Variants in LPIN1 observed in about 807,000 individuals in gnomAD.
LPIN1 encodes the protein phosphatidate phosphatase LPIN1.
In LPIN1, 71 loss-of-function variants were observed where a neutral mutation model predicts 107.5. That is an observed-to-expected ratio of 0.66 (90% CI 0.55 to 0.80). LPIN1 has a LOEUF of 0.80. LPIN1 is among the 30% of genes least tolerant of loss of function. The pLI is 0.00. For synonymous variants in LPIN1, 445 were observed against 452.6 expected (o/e 0.98, Z 0.21); for missense variants, 1,043 against 1,160.6 (o/e 0.90, Z 1.47).
chr2:11,706,668 G>A (rs1399667003), intron 1 of LPIN1, among the ~76,000 whole-genome samples: 4 of 152,150 alleles, frequency 2.6e-5, no homozygotes, highest in African/African-American at 9.7e-5. Flanking sequence ...TATAACAAGG[G>A]CTTAGATCCA....
intron 17 of LPIN1, among the ~76,000 whole-genome samples, chr2:11,806,579 AT>A (rs1678725936): frequency 1.3e-5 from 2 of 152,310 alleles, no homozygotes; most frequent in African/African-American, 4.8e-5. Flanking sequence ...CTCTAAAAAA[AT>A]AAGTATGTAC....
At chr2:11,688,169 A>G (rs1662100269) in intron 1 of LPIN1, among the ~76,000 whole-genome samples, 1 of 152,196 alleles carries the variant, frequency 6.6e-6, no homozygotes, top group South Asian at 2.1e-4. Flanking sequence ...CCCTGTCTAT[A>G]AATGGAATAA....
intron 17 of LPIN1, chr2:11,805,427 G>C (rs906745893): frequency 1.8e-6 from 1 of 560,554 alleles, no homozygotes; most frequent in Non-Finnish European, 3.2e-6. Context: ...CAGCATTAGG[G>C]GTGAGACTGA....
At chr2:11,700,454 C>T (rs780637461) in intron 1 of LPIN1, among the ~76,000 whole-genome samples, 41 of 151,314 alleles carry the variant, frequency 2.7e-4, no homozygotes, top group South Asian at 1.3e-3. Flanking sequence ...TTCTCATTTT[C>T]TCTCTCTCTC....
chr2:11,763,316 G>T (rs1279888342), intron 1 of LPIN1: 1 of 153,000 alleles, frequency 6.5e-6, no homozygotes, highest in African/African-American at 2.4e-5. Context: ...CACGACCGCC[G>T]GTTAGCACAG....
chr2:11,711,788 T>C (rs1481148379), intron 1 of LPIN1, among the ~76,000 whole-genome samples: 1 of 152,182 alleles, frequency 6.6e-6, no homozygotes, highest in East Asian at 1.9e-4. Flanking sequence ...CTTCTCTGCC[T>C]CGAATCCATC....
upstream of LPIN1, among the ~76,000 whole-genome samples, chr2:11,720,514 C>T (rs1001887117): frequency 5.9e-5 from 9 of 152,108 alleles, no homozygotes; most frequent in Middle Eastern, 3.4e-3. Flanking sequence ...ACTGACATAG[C>T]GGGGGAGGTT....
chr2:11,791,998 A>G lies in LPIN1; in HGVS notation c.1798A>G (p.Ile600Val). 1 of 1,613,684 alleles carries G rather than the reference A, an allele frequency of 6.2e-7. No homozygotes were observed. The highest frequency in any genetic ancestry group is 1.1e-5 in the South Asian group (1 of 91,030). ...WFSWRGRNTT[I>V]KEESKPEQCL... ...TTCATGGAGGGGAAGAAACACCACA[A>G]TCAAGGAGGTAAGCCCAGAAGACAA... Residue 600 changes from isoleucine (I) to valine (V), a missense_variant, in exon 13 of 21, where the codon ATC becomes GTC. Physicochemically the swap from Ile to Val is conservative, Grantham distance 29. Coordinates refer to ENST00000674199, the MANE Select transcript of LPIN1 (RefSeq NM_001349206.2).
chr2:11,709,755 G>T lies in LPIN1; in HGVS notation c.82-4001G>T, dbSNP rs77779203. 2.2e-3 allele frequency among the ~76,000 whole-genome samples: 338 copies of T among 152,300 alleles called. 3 individuals carry two copies. The East Asian group carries it at 0.032, about 15-fold the overall frequency. ...TAAACTGGGAGCAGCCCACGACTTT[G>T]AGCCTGATAATCTGGAAACATTACT... On this transcript the variant is annotated intron_variant, in intron 1 of 21. Transcript: ENST00000449576.
Position 11,787,067 on chromosome 2 carries a change from G to A in LPIN1, c.1550-7G>A, listed in dbSNP as rs748510400. On this transcript the variant is annotated splice_region_variant and splice_polypyrimidine_tract_variant and intron_variant, in intron 10 of 20. Transcript: ENST00000674199. ...TTTTCCCTGATCCTCTGCAATTGCT[G>A]TCACAGATGCATTCCTGGAGCAAGC... 3.1e-6 allele frequency: 5 copies of A among 1,603,926 alleles called. No individual in the cohort carries two copies. Among genetic ancestry groups the A allele is most frequent in the Non-Finnish European group, 4.3e-6 (5 of 1,170,756 alleles).
intron 1 of LPIN1, among the ~76,000 whole-genome samples, chr2:11,695,652 T>G (rs913391894): frequency 6.6e-6 from 1 of 152,252 alleles, no homozygotes; most frequent in African/African-American, 2.4e-5. Context: ...CCCTTTTGAC[T>G]GATTGCTGTG....
At chr2:11,773,829 GA>G in intron 5 of LPIN1, 84 bp downstream of exon 5, 3 of 1,500,230 alleles carry the variant, frequency 2.0e-6, no homozygotes, top group Middle Eastern at 1.9e-4. Flanking sequence ...GAATGAAATA[GA>G]AATGAAAAGT....
rs139588504 is a variant in LPIN1 at position 11,814,928 on chromosome 2, T to G, written c.2250-160T>G. ...TACAGTGAAATGTATTTAAGCCTAT[T>G]TCTCAATTGCAAGCAAGATTTTGTA... On this transcript the variant is annotated intron_variant, in intron 17 of 20. Coordinates refer to ENST00000674199, the MANE Select transcript of LPIN1 (RefSeq NM_001349206.2). Among the ~76,000 whole-genome samples the G allele has an allele frequency of 2.6e-5, 4 of 152,342 alleles. No homozygotes were observed. The East Asian group carries it at 7.7e-4, about 29-fold the overall frequency.
At chr2:11,792,597 G>T (rs1675962487) in intron 13 of LPIN1, among the ~76,000 whole-genome samples, 1 of 152,110 alleles carries the variant, frequency 6.6e-6, no homozygotes, top group Non-Finnish European at 1.5e-5. Flanking sequence ...TGCCCAGGCT[G>T]GTCTCAAACT....
At chr2:11,756,736 T>C (rs1210374195) in intron 1 of LPIN1, among the ~76,000 whole-genome samples, 2 of 152,212 alleles carry the variant, frequency 1.3e-5, no homozygotes, top group African/African-American at 2.4e-5. Context: ...TTGAGTATGC[T>C]ATTTATTATT....
intron 9 of LPIN1, 152 bp from the exon 10 acceptor site, chr2:11,784,734 C>T (rs1674197341): frequency 1.3e-6 from 1 of 771,432 alleles, no homozygotes; most frequent in Non-Finnish European, 2.3e-6. Context: ...ATGTCTCTTT[C>T]CTTGTCGTGG....
intron 17 of LPIN1, 53 bp downstream of exon 17, chr2:11,805,209 G>A (rs780528404): frequency 4.7e-5 from 62 of 1,312,516 alleles, no homozygotes; most frequent in Non-Finnish European, 6.2e-5. Flanking sequence ...TGTGTGCACC[G>A]CACTCTGCAT....
intron 7 of LPIN1, among the ~76,000 whole-genome samples, chr2:11,780,302 C>A (rs1209999758): frequency 6.6e-6 from 1 of 152,188 alleles, no homozygotes; most frequent in African/African-American, 2.4e-5. Context: ...TCTGCTAGGT[C>A]ATTGATGAGT....
Position 11,798,133 on chromosome 2 carries a change from A to C in LPIN1, c.1886+2646A>C, listed in dbSNP as rs1456631768. The stretch of plus-strand genomic sequence containing the variant: ...AGGCACCTGCTTTTCCTTTGCCTTC[A>C]GCCATGATTGTAAGTTTCCTGAGGC... On this transcript the variant is annotated intron_variant, in intron 14 of 20. Transcript: ENST00000674199. Among the ~76,000 whole-genome samples, 3 of 152,234 alleles carry C rather than the reference A, an allele frequency of 2.0e-5. No individual in the cohort carries two copies. In the East Asian group the frequency reaches 5.8e-4, roughly 29 times the overall value.
Sources: allele counts gnomAD v4.1 joint callset (sites outside exome capture counted in the v4.1 genomes callset), GRCh38; gene constraint gnomAD v4.1.1; transcripts MANE v1.5; gene names NCBI Gene and HGNC (gene_info 2026-07-23, HGNC 2026-07-21).